The following GPR183 variants were observed in gnomAD, a reference collection of about 807,000 sequenced individuals.
GPR183 encodes the protein G protein-coupled receptor 183, also known as EBV-induced G-protein coupled receptor 2.
A neutral mutation model predicts 19.7 loss-of-function variants in GPR183; 9 were observed. The observed-to-expected ratio is 0.46, with a 90% CI of 0.28 to 0.80. The LOEUF (loss-of-function observed/expected upper bound fraction) is 0.80. Among genes scored for constraint, GPR183 ranks in the 30% least tolerant of loss-of-function variants. The probability of loss-of-function intolerance (pLI) is 0.13; values close to 1 mark genes in which losing one functional copy is unlikely to be tolerated. For synonymous variants in GPR183, 160 were observed against 155.1 expected (o/e 1.03, Z -0.24); for missense variants, 368 against 446.7 (o/e 0.82, Z 1.59).
At chr13:99,304,018 G>T (rs993554176) in intron 1 of GPR183, among the ~76,000 whole-genome samples, 1 of 152,034 alleles carries the variant, frequency 6.6e-6, no homozygotes, top group African/African-American at 2.4e-5. Flanking sequence ...CCTTCTGCCC[G>T]CAGCCACGGC....
In GPR183 at chr13:99,295,450, G is replaced by A; in HGVS notation, c.696C>T (p.Leu232=). The A allele has an allele frequency of 1.2e-6, 2 of 1,614,062 alleles. No individual in the cohort carries two copies. Among genetic ancestry groups the A allele is most frequent in the Non-Finnish European group, 1.7e-6 (2 of 1,180,018 alleles). The change falls in exon 2 of 2, where the codon CTC becomes CTT. Residue 232 remains leucine, a synonymous_variant. Coordinates refer to ENST00000376414, the MANE Select transcript of GPR183 (RefSeq NM_004951.5). This position sits in a 1 kb window ranked among gnomAD's most constrained non-coding sequence, Gnocchi z 4.1. ...KLFRTAKQNP[L]TEKSGVNKKA... is the part of the protein sequence containing the mutation. ...TTTTGTTTACACCAGATTTCTCAGT[G>A]AGTGGGTTTTGTTTGGCAGTTCTGA...
chr13:99,307,166 A>AC (rs1476853901), intron 1 of GPR183, among the ~76,000 whole-genome samples, 174 bp downstream of exon 1: 2 of 152,190 alleles, frequency 1.3e-5, no homozygotes. Context: ...AACTAACTAG[A>AC]CCTACCAGTC....
At chr13:99,296,772 C>T (rs1189340615) in intron 1 of GPR183, among the ~76,000 whole-genome samples, 2 of 151,694 alleles carry the variant, frequency 1.3e-5, no homozygotes, top group African/African-American at 4.8e-5. Flanking sequence ...AAGAAGACGA[C>T]GACCGCAACA....
At position 99,295,180 on chromosome 13, in the gene GPR183, C is replaced by G; in HGVS notation, c.966G>C (p.Met322Ile). Residue 322 changes from methionine to isoleucine, a missense_variant, in exon 2 of 2, where the codon ATG (methionine) becomes ATC (isoleucine). Transcript: ENST00000376414. The surrounding 1 kb of genome is among the most constrained non-coding windows in gnomAD (Gnocchi z 4.1). ...CKGYKRKVMRMLKRQVSVSIS... is the reference protein window; with the variant it reads ...CKGYKRKVMRILKRQVSVSIS... ...TCGATACACTGACTTGCCGTTTCAG[C>G]ATCCTCATAACCTTTCTCTTATACC... 2 of 1,614,138 alleles carry G rather than the reference C, an allele frequency of 1.2e-6. No individual in the cohort carries two copies. Among genetic ancestry groups the G allele is most frequent in the Non-Finnish European group, 8.5e-7 (1 of 1,180,006 alleles).
chr13:99,298,915 T>G (rs2044216441), intron 1 of GPR183, among the ~76,000 whole-genome samples: 1 of 152,160 alleles, frequency 6.6e-6, no homozygotes, highest in Non-Finnish European at 1.5e-5. Flanking sequence ...TGAAAATGTA[T>G]TTTTTTCTAA....
Position 99,295,164 on chromosome 13 carries a change from T to C in GPR183, c.982A>G (p.Ser328Gly). 2 of 1,614,162 alleles carry C rather than the reference T, an allele frequency of 1.2e-6. No individual in the cohort carries two copies. The highest frequency in any genetic ancestry group is 1.7e-6 in the Non-Finnish European group (2 of 1,180,014). Residue 328 changes from serine to glycine, a missense_variant, in exon 2 of 2, where the codon AGT (serine) becomes GGT (glycine). Coordinates refer to ENST00000376414, the MANE Select transcript of GPR183 (RefSeq NM_004951.5). The surrounding 1 kb of genome is among the most constrained non-coding windows in gnomAD (Gnocchi z 4.1). ...TTCACAGCACTAGAAATCGATACAC[T>C]GACTTGCCGTTTCAGCATCCTCATA... ...KVMRMLKRQV[S>G]VSISSAVKSA...
rs201001697 is a variant in GPR183, at chr13:99,296,593, A to AT, written c.-18-431dup. ...TGCTTTTAAATTTAATTTCAGTTGG[A>AT]TTTTTTTTTAACCAAATGCATATCA... On this transcript the variant is annotated intron_variant, in intron 1 of 1. Transcript: ENST00000376414. 3.2e-3 allele frequency among the ~76,000 whole-genome samples: 483 copies of AT among 151,654 alleles called. 1 individual carries two copies. Among genetic ancestry groups the AT allele is most frequent in the African/African-American group, 1.0e-2 (412 of 41,326 alleles).
chr13:99,296,699 A>G (rs1297044037), intron 1 of GPR183, among the ~76,000 whole-genome samples: 3 of 152,170 alleles, frequency 2.0e-5, no homozygotes, highest in Non-Finnish European at 2.9e-5. Context: ...TGTTAACCTA[A>G]AAGTCTGAGA....
chr13:99,295,697 C>T lies in GPR183; in HGVS notation c.449G>A (p.Gly150Asp), dbSNP rs373174545. 3 of 1,613,988 alleles carry T rather than the reference C, an allele frequency of 1.9e-6. No individual in the cohort carries two copies. The highest frequency in any genetic ancestry group is 1.3e-5 in the African/African-American group (1 of 74,896). Residue 150 changes from glycine to aspartate, a missense_variant, in exon 2 of 2, where the codon GGC becomes GAC. Transcript: ENST00000376414. The surrounding 1 kb of genome is among the most constrained non-coding windows in gnomAD (Gnocchi z 4.1). ...NKIKRIEHAK[G>D]VCIFVWILVF... ...TAGAATCCAGACAAATATGCACACG[C>T]CTTTTGCATGTTCAATCCTTTTTAT... is the stretch of plus-strand genomic sequence containing the variant.
chr13:99,300,907 A>T (rs2044248252), intron 1 of GPR183, among the ~76,000 whole-genome samples: 1 of 152,190 alleles, frequency 6.6e-6, no homozygotes, highest in Non-Finnish European at 1.5e-5. Context: ...TCAGGTAGAA[A>T]ATTTATTCTT....
At chr13:99,306,687 C>T (rs1201981906) in intron 1 of GPR183, among the ~76,000 whole-genome samples, 2 of 152,112 alleles carry the variant, frequency 1.3e-5, no homozygotes, top group Non-Finnish European at 2.9e-5. Context: ...CCCTCAGGCA[C>T]ATAGAAAAGA....
intron 1 of GPR183, among the ~76,000 whole-genome samples, chr13:99,299,071 A>T (rs2044218841): frequency 6.6e-6 from 1 of 152,202 alleles, no homozygotes; most frequent in Admixed American, 6.5e-5. Flanking sequence ...ATGAATAATT[A>T]TTATTGTAGA....
intron 1 of GPR183, among the ~76,000 whole-genome samples, chr13:99,304,510 C>T (rs535637611): frequency 6.6e-6 from 1 of 152,204 alleles, no homozygotes; most frequent in Non-Finnish European, 1.5e-5. Flanking sequence ...GATGTATGAT[C>T]GATATTCAAT....
intron 1 of GPR183, among the ~76,000 whole-genome samples, chr13:99,300,929 A>C (rs2044248529): frequency 6.6e-6 from 1 of 152,208 alleles, no homozygotes; most frequent in Non-Finnish European, 1.5e-5. Context: ...AGTATATTTT[A>C]AGTATTTTAC....
At chr13:99,306,953 A>G (rs1034515590) in intron 1 of GPR183, among the ~76,000 whole-genome samples, 14 of 152,230 alleles carry the variant, frequency 9.2e-5, no homozygotes, top group Non-Finnish European at 1.6e-4. Context: ...AATAATTCCT[A>G]TAGCATAGGA....
At chr13:99,300,369 A>G (rs1024042065) in intron 1 of GPR183, among the ~76,000 whole-genome samples, 4 of 152,222 alleles carry the variant, frequency 2.6e-5, no homozygotes, top group Non-Finnish European at 4.4e-5. Flanking sequence ...TTGAAGGATG[A>G]TTCCGCTAGC....
At chr13:99,303,320 T>C (rs1046407224) in intron 1 of GPR183, among the ~76,000 whole-genome samples, 1 of 152,254 alleles carries the variant, frequency 6.6e-6, no homozygotes, top group South Asian at 2.1e-4. Context: ...TTCGGCTTCA[T>C]AGACGCGCTC....
At chr13:99,306,365 G>A (rs773102924) in intron 1 of GPR183, among the ~76,000 whole-genome samples, 2 of 152,162 alleles carry the variant, frequency 1.3e-5, no homozygotes, top group African/African-American at 2.4e-5. Context: ...CCATTTTACA[G>A]GTAAAGCAGC....
chr13:99,297,558 A>G (rs1193026020), intron 1 of GPR183, among the ~76,000 whole-genome samples: 1 of 152,168 alleles, frequency 6.6e-6, no homozygotes, highest in Non-Finnish European at 1.5e-5. Flanking sequence ...GATTGTGGTC[A>G]TGTTATGTTA....
Sources: allele counts gnomAD v4.1 joint callset (sites outside exome capture counted in the v4.1 genomes callset), GRCh38; gene constraint gnomAD v4.1.1; non-coding constraint Gnocchi (gnomAD v3.1); transcripts MANE v1.5; gene names NCBI Gene and HGNC (gene_info 2026-07-23, HGNC 2026-07-21).